Variants in CEMIP observed in about 807,000 individuals in gnomAD.
CEMIP encodes cell migration inducing hyaluronidase 1.
A neutral mutation model predicts 156.9 loss-of-function variants in CEMIP; 105 were observed. That is an observed-to-expected ratio of 0.67 (90% CI 0.57 to 0.79). CEMIP has a LOEUF of 0.79. CEMIP is among the 30% of genes least tolerant of loss of function. The pLI is 0.00. For missense variants in CEMIP, 1,457 were observed against 1,769.4 expected (o/e 0.82, Z 3.17); for synonymous variants, 676 against 668.4 (o/e 1.01, Z -0.17).
intron 1 of CEMIP, among the ~76,000 whole-genome samples, chr15:80,782,529 A>C (rs1895824033): frequency 6.6e-6 from 1 of 152,176 alleles, no homozygotes; most frequent in South Asian, 2.1e-4. Flanking sequence ...GACATCACTA[A>C]TACATGACAC....
intron 1 of CEMIP, among the ~76,000 whole-genome samples, chr15:80,869,987 G>A (rs1296484420): frequency 6.6e-6 from 1 of 152,132 alleles, no homozygotes; most frequent in Non-Finnish European, 1.5e-5. Context: ...AGCCCTCATG[G>A]CTTGAGCACT....
At chr15:80,892,185 A>C (rs996060879) in intron 10 of CEMIP, among the ~76,000 whole-genome samples, 3 of 151,948 alleles carry the variant, frequency 2.0e-5, no homozygotes, top group African/African-American at 7.3e-5. Context: ...GTCCCGGCAT[A>C]CCTGCCATGC....
chr15:80,874,033 G>T, intron 3 of CEMIP, 60 bp downstream of exon 3: 1 of 1,466,108 alleles, frequency 6.8e-7, no homozygotes, highest in Non-Finnish European at 9.3e-7. Context: ...GCCCCTCACT[G>T]GAGCAAGGCT....
In CEMIP at chr15:80,942,051, C is replaced by A. The variant is rs777968326; in HGVS notation, c.3610C>A (p.Leu1204Met). 2.5e-6 allele frequency: 4 copies of A among 1,613,072 alleles called. No individual in the cohort carries two copies. The South Asian group carries it at 4.4e-5, about 18-fold the overall frequency. ...PMPKKLFGSQLKTKDHFLEVK... is the reference protein window; with the variant it reads ...PMPKKLFGSQMKTKDHFLEVK... ...GCCCAAGAAGCTCTTTGGTTCTCAG[C>A]TGGTGAGTGGCTGAGAGCAAAGCCT... Residue 1204 changes from leucine to methionine, a missense_variant and splice_region_variant, in exon 26 of 30, where the codon CTG becomes ATG. This residue lies in a region of CEMIP where 798 missense variants were observed against 980.1 expected (regional missense o/e 0.81). Coordinates refer to ENST00000394685, the MANE Select transcript of CEMIP (RefSeq NM_001293298.2).
chr15:80,874,742 C>T (rs1898413379), intron 3 of CEMIP, among the ~76,000 whole-genome samples: 1 of 152,182 alleles, frequency 6.6e-6, no homozygotes, highest in African/African-American at 2.4e-5. Context: ...ATAATCCAAA[C>T]TTGGGACAGA....
At chr15:80,816,028 A>G (rs749799470) in intron 1 of CEMIP, among the ~76,000 whole-genome samples, 1 of 152,160 alleles carries the variant, frequency 6.6e-6, no homozygotes. Flanking sequence ...TAAAAATCCA[A>G]ATGAGTTAGG....
intron 10 of CEMIP, among the ~76,000 whole-genome samples, chr15:80,893,375 T>C (rs1264750589): frequency 1.4e-5 from 2 of 145,650 alleles, no homozygotes; most frequent in East Asian, 4.7e-4. Context: ...ACTGAGGTCA[T>C]TTTTCAGGTT....
chr15:80,844,293 C>G (rs1002545961), intron 1 of CEMIP, among the ~76,000 whole-genome samples: 1 of 152,220 alleles, frequency 6.6e-6, no homozygotes, highest in Admixed American at 6.5e-5. Context: ...CTGCCTGCGC[C>G]CCCCAGCCAG....
intron 1 of CEMIP, among the ~76,000 whole-genome samples, chr15:80,848,281 A>G (rs1331432006): frequency 1.3e-5 from 2 of 152,184 alleles, no homozygotes; most frequent in East Asian, 1.9e-4. Flanking sequence ...CCTTTTTCCT[A>G]TAGGGAAGCC....
At chr15:80,814,175 A>G (rs1351849307) in intron 1 of CEMIP, among the ~76,000 whole-genome samples, 1 of 146,626 alleles carries the variant, frequency 6.8e-6, no homozygotes, top group Non-Finnish European at 1.5e-5. Flanking sequence ...CAGCCTCCCC[A>G]GTAGCTGGGA....
At chr15:80,893,572 G>T (rs1213180425) in intron 10 of CEMIP, among the ~76,000 whole-genome samples, 1 of 152,182 alleles carries the variant, frequency 6.6e-6, no homozygotes, top group Non-Finnish European at 1.5e-5. Flanking sequence ...GGAGGCCCGA[G>T]GAGCTGGGCT....
At position 80,942,963 on chromosome 15, in the gene CEMIP, C is replaced by G. The variant is rs1166050812; in HGVS notation, c.3718C>G (p.Pro1240Ala). 20 of 1,614,050 alleles carry G rather than the reference C, an allele frequency of 1.2e-5. No homozygotes were observed. Among genetic ancestry groups the G allele is most frequent in the Non-Finnish European group, 1.7e-5 (20 of 1,180,040 alleles). The part of the protein sequence containing the change: ...AYIEVDGKKY[P>A]SSEDGIQVVV... Reference sequence around the variant, plus strand: ...TCTGTAGGTGGATGGGAAGAAGTACCCCAGTTCGGAGGATGGCATCCAGGT... The same window carrying G: ...TCTGTAGGTGGATGGGAAGAAGTACGCCAGTTCGGAGGATGGCATCCAGGT... Residue 1240 changes from proline to alanine, a missense_variant, in exon 28 of 30, where the codon CCC (proline) becomes GCC (alanine). Around this residue, in one of 5 missense-constraint regions of CEMIP, gnomAD observed 798 missense variants for 980.1 expected, o/e 0.81. Coordinates refer to ENST00000394685, the MANE Select transcript of CEMIP (RefSeq NM_001293298.2).
In CEMIP at chr15:80,888,682, G is replaced by C; in HGVS notation, c.869-19G>C. On this transcript the variant is annotated intron_variant, in intron 8 of 29. Coordinates refer to ENST00000394685, the MANE Select transcript of CEMIP (RefSeq NM_001293298.2). ...TTGGGGGTCTGTCCAGCTCCTAAAG[G>C]GTCTCGTTTCTCTGACAGGACATCG... 1 of 1,612,030 alleles carries C rather than the reference G, an allele frequency of 6.2e-7. No homozygotes were observed. Among genetic ancestry groups the C allele is most frequent in the Middle Eastern group, 1.7e-4 (1 of 6,054 alleles).
At chr15:80,884,117 GCT>G (rs1898753844) in intron 6 of CEMIP, 56 bp from the exon 7 acceptor site, 1 of 1,552,156 alleles carries the variant, frequency 6.4e-7, no homozygotes, top group Non-Finnish European at 8.9e-7. Context: ...TGTGCTTAGA[GCT>G]CTTTGTTTTG....
intron 1 of CEMIP, among the ~76,000 whole-genome samples, chr15:80,808,991 G>A (rs1204427654): frequency 6.6e-6 from 1 of 152,182 alleles, no homozygotes; most frequent in East Asian, 1.9e-4. Context: ...AATGCTCGAG[G>A]ATGAAGAAAC....
chr15:80,941,979 AC>A lies in CEMIP; in HGVS notation c.3539del (p.Thr1180LysfsTer12). 1 of 1,614,074 alleles carries A rather than the reference AC, an allele frequency of 6.2e-7. No individual in the cohort carries two copies. Among genetic ancestry groups the A allele is most frequent in the Non-Finnish European group, 8.5e-7 (1 of 1,180,002 alleles). On this transcript the variant is annotated frameshift_variant, in exon 26 of 30. Coordinates refer to ENST00000394685, the MANE Select transcript of CEMIP (RefSeq NM_001293298.2). LOFTEE classifies it high-confidence loss of function. ...KNAGVSDCTA[T>X]AYPKFTERAV... ...CGCAGGCGTCAGTGACTGCACAGCC[AC>A]AGCTTACCCCAAGTTCACCGAGAGG...
At chr15:80,865,516 G>T (rs4505263) in intron 1 of CEMIP, among the ~76,000 whole-genome samples, 14 of 152,184 alleles carry the variant, frequency 9.2e-5, no homozygotes, top group Non-Finnish European at 2.1e-4. Flanking sequence ...AATTATAATT[G>T]AATTTAAATT....
intron 7 of CEMIP, among the ~76,000 whole-genome samples, chr15:80,885,503 C>T (rs944786540): frequency 1.3e-5 from 2 of 152,162 alleles, no homozygotes; most frequent in Non-Finnish European, 2.9e-5. Flanking sequence ...TTTTATAAAC[C>T]AAAAGGCCAG....
Position 80,924,700 on chromosome 15 carries a change from C to T in CEMIP, c.2282C>T (p.Ser761Phe), listed in dbSNP as rs1250310791. Residue 761 changes from serine (S) to phenylalanine (F), a missense_variant, in exon 18 of 30, where the codon TCT becomes TTT. Transcript: ENST00000394685. ...KDKRPFLSII[S>F]ARYSPHQDAD... Reference sequence around the variant, plus strand: ...AAGCGGCCGTTCCTCTCAATCATCTCTGCCAGGTAATCAGCCATTGGGAAG... The same window carrying T: ...AAGCGGCCGTTCCTCTCAATCATCTTTGCCAGGTAATCAGCCATTGGGAAG... 1 of 1,614,026 alleles carries T rather than the reference C, an allele frequency of 6.2e-7. No homozygotes were observed. The highest frequency in any genetic ancestry group is 1.3e-5 in the African/African-American group (1 of 74,934).
Sources: allele counts gnomAD v4.1 joint callset (sites outside exome capture counted in the v4.1 genomes callset), GRCh38; gene constraint gnomAD v4.1.1; regional missense constraint gnomAD v4.1.1; transcripts MANE v1.5; gene names NCBI Gene and HGNC (gene_info 2026-07-23, HGNC 2026-07-21).